The following PNPT1 variants were observed in gnomAD, a reference collection of about 807,000 sequenced individuals.
PNPT1 encodes the protein polyribonucleotide nucleotidyltransferase 1, mitochondrial.
A neutral mutation model predicts 119.5 loss-of-function variants in PNPT1; 53 were observed. That is an observed-to-expected ratio of 0.44 (90% confidence interval 0.36 to 0.56). The LOEUF is 0.56. Ranked by LOEUF, PNPT1 falls within the 20% of genes least tolerant of loss-of-function variation. PNPT1 has a pLI of 0.00. For missense variants in PNPT1, 948 were observed against 938.5 expected (o/e 1.01, Z -0.13); for synonymous variants, 357 against 322.1 (o/e 1.11, Z -1.16).
In PNPT1 at chr2:55,671,319, C is replaced by T; in HGVS notation, c.976G>A (p.Glu326Lys). 2 of 1,495,034 alleles carry T rather than the reference C, an allele frequency of 1.3e-6. No individual in the cohort carries two copies. The highest frequency in any genetic ancestry group is 1.3e-5 in the South Asian group (1 of 75,858). 92.6% of individuals were successfully genotyped at this position (1,495,034 alleles called of 1,614,324 possible). ...IRLDTEEQLK[E>K]KFPEADPYEI... ...TAAAATAAAATAAAATAAAATTTAC[C>T]TTTTAGTTGTTCCTCCGTATCTAAT... Residue 326 changes from glutamate (E) to lysine (K), a missense_variant and splice_region_variant, in exon 11 of 28, where the codon GAA (glutamate) becomes AAA (lysine). Transcript: ENST00000447944.
At chr2:55,656,561 G>C (rs1470132939) in intron 15 of PNPT1, among the ~76,000 whole-genome samples, 190 bp from the exon 16 acceptor site, 2 of 152,130 alleles carry the variant, frequency 1.3e-5, no homozygotes, top group Non-Finnish European at 2.9e-5. Context: ...GTTAAAAGTA[G>C]CTATTTCAAG....
Position 55,686,333 on chromosome 2 carries a change from A to T in PNPT1, c.297+37T>A, listed in dbSNP as rs143717902. The T allele has an allele frequency of 0.018, 27,372 of 1,549,486 alleles. 314 individuals are homozygous for T. Among genetic ancestry groups the T allele is most frequent in the Non-Finnish European group, 0.021 (23,678 of 1,123,378 alleles). On this transcript the variant is annotated intron_variant, in intron 3 of 27. Coordinates refer to ENST00000447944, the MANE Select transcript of PNPT1 (RefSeq NM_033109.5). ...ATTATACATTCTACACTTTACTCAG[A>T]CCATATTACAGTTCAGATAAATCAG...
intron 11 of PNPT1, among the ~76,000 whole-genome samples, chr2:55,669,606 T>C (rs1300276459): frequency 6.6e-6 from 1 of 152,194 alleles, no homozygotes; most frequent in African/African-American, 2.4e-5. Flanking sequence ...TATTCTACTA[T>C]GTATAATACA....
At chr2:55,644,020 G>A (rs1161689553) in intron 23 of PNPT1, among the ~76,000 whole-genome samples, 2 of 152,158 alleles carry the variant, frequency 1.3e-5, no homozygotes, top group Admixed American at 6.6e-5. Flanking sequence ...ATTTTGGAGA[G>A]TCTGGTTCTG....
At chr2:55,641,042 G>T (rs1195266379) in intron 25 of PNPT1, among the ~76,000 whole-genome samples, 1 of 151,968 alleles carries the variant, frequency 6.6e-6, no homozygotes, top group Non-Finnish European at 1.5e-5. Flanking sequence ...TGGCCAACAT[G>T]GTGAAACCCC....
At chr2:55,640,796 G>C in intron 25 of PNPT1, 91 bp from the exon 26 acceptor site, 1 of 903,728 alleles carries the variant, frequency 1.1e-6, no homozygotes, top group Non-Finnish European at 1.7e-6. Context: ...TGAGGAAAAA[G>C]TAAAAAACGA....
At chr2:55,663,419 T>C (rs746294167) in intron 13 of PNPT1, among the ~76,000 whole-genome samples, 3 of 152,178 alleles carry the variant, frequency 2.0e-5, no homozygotes, top group Non-Finnish European at 4.4e-5. Context: ...GTTGCAATTC[T>C]AGAAGAAGAG....
chr2:55,637,260 C>T (rs181586646), intron 27 of PNPT1, among the ~76,000 whole-genome samples: 263 of 152,320 alleles, frequency 1.7e-3, no homozygotes, highest in Admixed American at 2.5e-3. Flanking sequence ...ACAGTTCTTA[C>T]GTCAGTGCCC....
At chr2:55,644,808 T>C in intron 22 of PNPT1, 88 bp from the exon 23 acceptor site, 2 of 868,858 alleles carry the variant, frequency 2.3e-6, no homozygotes, top group Non-Finnish European at 3.5e-6. Flanking sequence ...TTTTTTTTTT[T>C]TTTGACCTAG....
At position 55,637,750 on chromosome 2, in the gene PNPT1, A is replaced by C. The variant is rs551294795; in HGVS notation, c.2149-151T>G. Reference sequence around the variant, plus strand: ...AGTGGCTCAAGCCTGTAATTCCAGCACTTTGGGAGGCAGAAGCGGGCAGAT... The same window carrying C: ...AGTGGCTCAAGCCTGTAATTCCAGCCCTTTGGGAGGCAGAAGCGGGCAGAT... On this transcript the variant is annotated intron_variant, in intron 26 of 27. Coordinates refer to ENST00000447944, the MANE Select transcript of PNPT1 (RefSeq NM_033109.5). 32 of 648,514 alleles carry C rather than the reference A, an allele frequency of 4.9e-5. No individual in the cohort carries two copies. In the African/African-American group the frequency reaches 5.5e-4, roughly 11 times the overall value. 40.2% of individuals were successfully genotyped at this position (648,514 alleles called of 1,614,324 possible).
At chr2:55,674,720 T>C (rs909918643) in intron 8 of PNPT1, among the ~76,000 whole-genome samples, 3 of 152,214 alleles carry the variant, frequency 2.0e-5, no homozygotes, top group African/African-American at 4.8e-5. Context: ...CTGCCTGATA[T>C]GGTTCTAACT....
chr2:55,647,475 A>T, intron 18 of PNPT1, 22 bp from the exon 19 acceptor site: 1 of 1,565,022 alleles, frequency 6.4e-7, no homozygotes, highest in Non-Finnish European at 8.7e-7. Context: ...AAAAAGAACA[A>T]CTGTGGGTAA....
rs1227966046 is a variant in PNPT1 at position 55,691,878 on chromosome 2, A to ATTTTTTT, written c.161+1778_161+1784dup. ...TATATATATATATATATATATATAT[A>ATTTTTTT]TTTTTTTTTTTTTTTTTTTTTTTTG... On this transcript the variant is annotated intron_variant, in intron 1 of 27. Transcript: ENST00000447944. Among the ~76,000 whole-genome samples the ATTTTTTT allele has an allele frequency of 1.1e-3, 36 of 33,080 alleles. 1 individual carries two copies. Among genetic ancestry groups the ATTTTTTT allele is most frequent in the African/African-American group, 1.2e-3 (13 of 10,502 alleles). 21.7% of individuals were successfully genotyped at this position (33,080 alleles called of 152,430 possible).
At chr2:55,641,518 A>C (rs1695833726) in intron 25 of PNPT1, among the ~76,000 whole-genome samples, 1 of 152,016 alleles carries the variant, frequency 6.6e-6, no homozygotes, top group African/African-American at 2.4e-5. Flanking sequence ...AAATGACATT[A>C]AATATTTTAA....
chr2:55,683,711 T>C, intron 5 of PNPT1, 74 bp downstream of exon 5: 2 of 1,342,912 alleles, frequency 1.5e-6, no homozygotes, highest in Non-Finnish European at 2.1e-6. Flanking sequence ...ATGTTTACTC[T>C]AGGAAATATT....
chr2:55,655,451 TAC>T (rs1168040361), intron 17 of PNPT1, among the ~76,000 whole-genome samples: 2 of 152,208 alleles, frequency 1.3e-5, no homozygotes, highest in Non-Finnish European at 2.9e-5. Context: ...ATAGTATTGC[TAC>T]AGATATTCTA....
At position 55,692,809 on chromosome 2, in the gene PNPT1, G is replaced by A. The variant is rs566469548; in HGVS notation, c.161+854C>T. 9.2e-5 allele frequency among the ~76,000 whole-genome samples: 14 copies of A among 152,246 alleles called. No individual in the cohort carries two copies. The South Asian group carries it at 2.7e-3, about 29-fold the overall frequency. ...CTTTAGGCAATCAATTAGATTGGAT[G>A]ACATGATATCTTGTACTCCTAACTT... On this transcript the variant is annotated intron_variant, in intron 1 of 27. Transcript: ENST00000447944.
At chr2:55,681,544 C>T (rs896835176) in intron 5 of PNPT1, among the ~76,000 whole-genome samples, 3 of 151,268 alleles carry the variant, frequency 2.0e-5, no homozygotes, top group African/African-American at 7.3e-5. Flanking sequence ...CTATTTCTAT[C>T]ATATAAAAAT....
chr2:55,684,030 CAGA>C (rs1437918226), intron 4 of PNPT1, among the ~76,000 whole-genome samples, 196 bp from the exon 5 acceptor site: 1 of 152,162 alleles, frequency 6.6e-6, no homozygotes, highest in Non-Finnish European at 1.5e-5. Flanking sequence ...AAAACAAACA[CAGA>C]AGAAGCACAT....
Sources: gnomAD v4.1 joint callset for allele counts (sites outside exome capture counted in the v4.1 genomes callset) on GRCh38, gnomAD v4.1.1 for gene constraint, MANE v1.5 for transcripts, NCBI Gene and HGNC (gene_info 2026-07-23, HGNC 2026-07-21) for gene names.